Variants in PELI3 observed in about 807,000 individuals in gnomAD.
The protein encoded by PELI3 is E3 ubiquitin-protein ligase pellino homolog 3.
PELI3 carries 19 observed loss-of-function variants against 35.5 expected under a neutral mutation model. The ratio of observed to expected loss-of-function variants is 0.54; its 90% CI spans 0.37 to 0.79. The LOEUF (loss-of-function observed/expected upper bound fraction) is 0.79. Ranked by LOEUF, PELI3 falls within the 30% of genes least tolerant of loss-of-function variation. The pLI, the probability that PELI3 is intolerant of heterozygous loss-of-function variation, is 0.00. For synonymous variants in PELI3, 262 were observed against 279.2 expected (o/e 0.94, Z 0.62); for missense variants, 490 against 661.2 (o/e 0.74, Z 2.84).
In PELI3 at chr11:66,468,278, G is replaced by C; in HGVS notation, c.150G>C (p.Leu50=). ...TCAAGTATGGTGAACTCATCGTCCT[G>C]GGGTGAGCATCCCTGGCCTAGAAGG... ...EPIKYGELIV[L]GCCEEGGEET... is the part of the protein sequence containing the mutation. The change falls in exon 2 of 8, where the codon CTG becomes CTC. Residue 50 remains leucine (L), a splice_region_variant and synonymous_variant. Transcript: ENST00000320740. 1.3e-6 allele frequency: 2 copies of C among 1,506,452 alleles called. No individual in the cohort carries two copies. The highest frequency in any genetic ancestry group is 1.8e-4 in the Middle Eastern group (1 of 5,642). 93.3% of individuals were successfully genotyped at this position (1,506,452 alleles called of 1,614,324 possible). A position where few individuals can be genotyped will look rare whatever the true frequency, so the allele number is the denominator to read the frequency against.
intron 3 of PELI3, among the ~76,000 whole-genome samples, chr11:66,470,284 C>T (rs2134689687): frequency 6.6e-6 from 1 of 152,304 alleles, no homozygotes; most frequent in Middle Eastern, 3.4e-3. Context: ...ACATACTTCA[C>T]CACCAAAGCC....
chr11:66,476,157 C>A lies in PELI3; in HGVS notation c.1400C>A (p.Pro467Gln). The change falls in exon 8 of 8, where the codon CCG becomes CAG. Residue 467 changes from proline to glutamine, a missense_variant. Pro to Gln is a moderately conservative substitution (Grantham distance 76). Around this residue, in one of 3 missense-constraint regions of PELI3, gnomAD observed 349 missense variants for 484.8 expected, o/e 0.72. Coordinates refer to ENST00000320740, the MANE Select transcript of PELI3 (RefSeq NM_145065.3). ...HGCVRLIFQG[P>Q]LD ...TGCGTCCGCCTCATTTTCCAGGGCC[C>A]GCTGGATTAGGCTCCCTGGGGCCCC... 1 of 1,551,532 alleles carries A rather than the reference C, an allele frequency of 6.4e-7. No individual in the cohort carries two copies. Among genetic ancestry groups the A allele is most frequent in the Non-Finnish European group, 8.7e-7 (1 of 1,154,498 alleles).
chr11:66,467,078 C>A lies in PELI3; in HGVS notation c.-2+51C>A, dbSNP rs1187791416. The A allele has an allele frequency of 6.9e-6, 1 of 144,128 alleles. No individual in the cohort carries two copies. The highest frequency in any genetic ancestry group is 1.5e-5 in the Non-Finnish European group (1 of 65,016). 8.9% of individuals were successfully genotyped at this position (144,128 alleles called of 1,614,324 possible). On this transcript the variant is annotated intron_variant, in intron 1 of 7. Transcript: ENST00000320740. This position sits in a 1 kb window ranked among gnomAD's most constrained non-coding sequence, Gnocchi z 4.2. ...GGGGGCTGCGCCAGGCGGGCCCCGG[C>A]GGGCGCGGGGGGCGTGTTTGCGTGT...
chr11:66,467,127 T>G lies in PELI3; in HGVS notation c.-2+100T>G, dbSNP rs1854559086. 6.8e-6 allele frequency: 1 copy of G among 146,272 alleles called. No homozygotes were observed. Among genetic ancestry groups the G allele is most frequent in the South Asian group, 2.1e-4 (1 of 4,692 alleles). 9.1% of individuals were successfully genotyped at this position (146,272 alleles called of 1,614,324 possible). A position where few individuals can be genotyped will look rare whatever the true frequency, so the allele number is the denominator to read the frequency against. ...GTCTGGGGGTGGTGGAGGGAGTGGG[T>G]CCGAGGGCGGGCGCCGGTGGCTGCT... On this transcript the variant is annotated intron_variant, in intron 1 of 7. Transcript: ENST00000320740. This position sits in a 1 kb window ranked among gnomAD's most constrained non-coding sequence, Gnocchi z 4.2.
In PELI3 at chr11:66,473,408, C is replaced by T. The variant is rs749419483; in HGVS notation, c.624C>T (p.Phe208=). 1.2e-6 allele frequency: 2 copies of T among 1,613,220 alleles called. No homozygotes were observed. Among genetic ancestry groups the T allele is most frequent in the African/African-American group, 1.3e-5 (1 of 75,056 alleles). ...PYTARIYAAG[F]DASSNIFLGE... ...CTGCCCGCATCTATGCCGCTGGCTT[C>T]GATGCCTCTAGCAACATCTTCCTTG... Residue 208 remains phenylalanine, a synonymous_variant, in exon 6 of 8, where the codon TTC becomes TTT. Coordinates refer to ENST00000320740, the MANE Select transcript of PELI3 (RefSeq NM_145065.3). This position sits in a 1 kb window ranked among gnomAD's most constrained non-coding sequence, Gnocchi z 5.8.
In PELI3 at chr11:66,476,105, G is replaced by A. The variant is rs760390281; in HGVS notation, c.1348G>A (p.Gly450Arg). 13 of 1,600,472 alleles carry A rather than the reference G, an allele frequency of 8.1e-6. No individual in the cohort carries two copies. Among genetic ancestry groups the A allele is most frequent in the African/African-American group, 1.3e-5 (1 of 74,744 alleles). Reference protein sequence around the residue: ...HAFHAACPFCGAWLTGEHGCV... With the variant: ...HAFHAACPFCRAWLTGEHGCV... Reference sequence around the variant, plus strand: ...TTTCCATGCCGCCTGCCCCTTTTGCGGGGCCTGGCTTACCGGCGAGCATGG... The same window carrying A: ...TTTCCATGCCGCCTGCCCCTTTTGCAGGGCCTGGCTTACCGGCGAGCATGG... Residue 450 changes from glycine (G) to arginine (R), a missense_variant, in exon 8 of 8, where the codon GGG becomes AGG. Physicochemically the swap from Gly to Arg is moderately radical, Grantham distance 125 (BLOSUM62 -2). Around this residue, in one of 3 missense-constraint regions of PELI3, gnomAD observed 349 missense variants for 484.8 expected, o/e 0.72. Coordinates refer to ENST00000320740, the MANE Select transcript of PELI3 (RefSeq NM_145065.3).
Position 66,467,231 on chromosome 11 carries a change from C to T in PELI3, c.-2+204C>T, listed in dbSNP as rs1293005812. On this transcript the variant is annotated intron_variant, in intron 1 of 7. Coordinates refer to ENST00000320740, the MANE Select transcript of PELI3 (RefSeq NM_145065.3). The surrounding 1 kb of genome is among the most constrained non-coding windows in gnomAD (Gnocchi z 4.2). Reference sequence around the variant, plus strand: ...GGCCCGGGGCGTGCGGGGCCGTGCACGCGCGCGTGTTGTGCGGAGGGGCCG... The same window carrying T: ...GGCCCGGGGCGTGCGGGGCCGTGCATGCGCGCGTGTTGTGCGGAGGGGCCG... Among the ~76,000 whole-genome samples, 1 of 150,708 alleles carries T rather than the reference C, an allele frequency of 6.6e-6. No individual in the cohort carries two copies. Among genetic ancestry groups the T allele is most frequent in the Non-Finnish European group, 1.5e-5 (1 of 67,548 alleles).
Position 66,468,874 on chromosome 11 carries a change from G to A in PELI3, c.194G>A (p.Gly65Glu), listed in dbSNP as rs1411103959. 1 of 778,546 alleles carries A rather than the reference G, an allele frequency of 1.3e-6. No individual in the cohort carries two copies. Among genetic ancestry groups the A allele is most frequent in the East Asian group, 2.4e-5 (1 of 41,204 alleles). 48.2% of individuals were successfully genotyped at this position (778,546 alleles called of 1,614,324 possible). ...GGTGAGGAAACCGAGGCTCAGAGAG[G>A]GGAAGTGACTGGCCCAAGGGCACAC... ...EGGEETEAQR[G>E]EVTGPRAHSC... is the part of the protein sequence containing the mutation. Residue 65 changes from glycine to glutamate, a missense_variant, in exon 3 of 8, where the codon GGG (glycine) becomes GAG (glutamate). By Grantham distance (98) the Gly-to-Glu change is moderately conservative. Transcript: ENST00000320740.
intron 3 of PELI3, among the ~76,000 whole-genome samples, chr11:66,469,862 C>T (rs1280736329): frequency 1.4e-5 from 2 of 142,866 alleles, no homozygotes; most frequent in African/African-American, 2.6e-5. Flanking sequence ...TACAGTGGCA[C>T]GATATCAGTT....
Position 66,475,847 on chromosome 11 carries a change from C to T in PELI3, c.1090C>T (p.His364Tyr). Residue 364 changes from histidine to tyrosine, a missense_variant, in exon 8 of 8, where the codon CAC (histidine) becomes TAC (tyrosine). Coordinates refer to ENST00000320740, the MANE Select transcript of PELI3 (RefSeq NM_145065.3). ...GCCCTGGGTCTACGTCCGCTGCGGG[C>T]ACGTCCATGGCTACCACGGCTGGGG... The part of the protein sequence containing the change: ...QQPWVYVRCG[H>Y]VHGYHGWGCR... 6.2e-7 allele frequency: 1 copy of T among 1,607,144 alleles called. No homozygotes were observed. Among genetic ancestry groups the T allele is most frequent in the Admixed American group, 1.7e-5 (1 of 59,242 alleles).
Position 66,473,955 on chromosome 11 carries a change from A to G in PELI3, c.840+30A>G. On this transcript the variant is annotated intron_variant, in intron 7 of 7. Transcript: ENST00000320740. This position sits in a 1 kb window ranked among gnomAD's most constrained non-coding sequence, Gnocchi z 5.8. Reference sequence around the variant, plus strand: ...GTGGCCCGCTCCATTCCCCACCCCTATCCTTGCCAGGCCCTCACAAGCTGC... The same window carrying G: ...GTGGCCCGCTCCATTCCCCACCCCTGTCCTTGCCAGGCCCTCACAAGCTGC... 6.2e-7 allele frequency: 1 copy of G among 1,609,552 alleles called. No individual in the cohort carries two copies. Among genetic ancestry groups the G allele is most frequent in the Non-Finnish European group, 8.5e-7 (1 of 1,179,666 alleles).
At chr11:66,471,984 C>T (rs1225974442) in intron 4 of PELI3, among the ~76,000 whole-genome samples, 2 of 151,904 alleles carry the variant, frequency 1.3e-5, no homozygotes, top group Admixed American at 6.6e-5. Flanking sequence ...CTCAGCCTCC[C>T]GAGTAGCTGG....
chr11:66,474,642 T>C (rs1053908370), intron 7 of PELI3: 1 of 152,910 alleles, frequency 6.5e-6, no homozygotes, highest in Non-Finnish European at 1.5e-5. Context: ...AAACAATGCA[T>C]GTGAATGTTT....
Position 66,467,814 on chromosome 11 carries a change from C to T in PELI3, c.-1-314C>T, listed in dbSNP as rs1854590563. ...AGATGAGGGGTAACGGCCCCCAACT[C>T]ATTGGGTGCCCCGCTTTGAAGCACA... On this transcript the variant is annotated intron_variant, in intron 1 of 7. Coordinates refer to ENST00000320740, the MANE Select transcript of PELI3 (RefSeq NM_145065.3). This position sits in a 1 kb window ranked among gnomAD's most constrained non-coding sequence, Gnocchi z 4.2. 6.6e-6 allele frequency among the ~76,000 whole-genome samples: 1 copy of T among 152,224 alleles called. No individual in the cohort carries two copies. Among genetic ancestry groups the T allele is most frequent in the African/African-American group, 2.4e-5 (1 of 41,462 alleles).
intron 3 of PELI3, among the ~76,000 whole-genome samples, 189 bp from the exon 4 acceptor site, chr11:66,471,053 C>T (rs945059285): frequency 3.3e-5 from 5 of 152,208 alleles, no homozygotes; most frequent in East Asian, 1.9e-4. Flanking sequence ...CTGACACCCC[C>T]CTCCCACTCC....
intron 3 of PELI3, among the ~76,000 whole-genome samples, chr11:66,469,799 TTTTTG>T (rs1288059278): frequency 7.0e-6 from 1 of 143,468 alleles, no homozygotes. Flanking sequence ...CTGTTTTTTT[TTTTTG>T]TTTTTTTTTT....
chr11:66,469,574 T>C (rs1182513574), intron 3 of PELI3, among the ~76,000 whole-genome samples: 2 of 152,318 alleles, frequency 1.3e-5, no homozygotes, highest in African/African-American at 4.8e-5. Flanking sequence ...AGCTGCTTCA[T>C]ATCCCAAAGG....
Position 66,473,413 on chromosome 11 carries a change from C to T in PELI3, c.629C>T (p.Ala210Val), listed in dbSNP as rs777628216. The change falls in exon 6 of 8, where the codon GCC (alanine) becomes GTC (valine). Residue 210 changes from alanine to valine, a missense_variant. By Grantham distance (64) the Ala-to-Val change is moderately conservative (BLOSUM62 0). Coordinates refer to ENST00000320740, the MANE Select transcript of PELI3 (RefSeq NM_145065.3). The surrounding 1 kb of genome is among the most constrained non-coding windows in gnomAD (Gnocchi z 5.8). The stretch of plus-strand genomic sequence containing the variant: ...CGCATCTATGCCGCTGGCTTCGATG[C>T]CTCTAGCAACATCTTCCTTGGAGTG... ...TARIYAAGFDASSNIFLGERA... is the reference protein window; with the variant it reads ...TARIYAAGFDVSSNIFLGERA... 1.9e-6 allele frequency: 3 copies of T among 1,612,352 alleles called. No homozygotes were observed. Among genetic ancestry groups the T allele is most frequent in the South Asian group, 2.2e-5 (2 of 91,006 alleles).
At chr11:66,469,817 T>TTTTTTTTTTTG (rs1184335773) in intron 3 of PELI3, among the ~76,000 whole-genome samples, 1 of 149,784 alleles carries the variant, frequency 6.7e-6, no homozygotes, top group African/African-American at 2.5e-5. Context: ...TTTTTTTTTT[T>TTTTTTTTTTTG]GAGACAGAGT....
Sources: allele counts gnomAD v4.1 joint callset (sites outside exome capture counted in the v4.1 genomes callset), GRCh38; gene constraint gnomAD v4.1.1; regional missense constraint gnomAD v4.1.1; non-coding constraint Gnocchi (gnomAD v3.1); transcripts MANE v1.5; gene names NCBI Gene and HGNC (gene_info 2026-07-23, HGNC 2026-07-21).